Variants in FGF13 observed in about 807,000 individuals in gnomAD.
FGF13 encodes the protein fibroblast growth factor homologous factor 2.
A neutral mutation model predicts 19.5 loss-of-function variants in FGF13; 2 were observed. The observed-to-expected ratio is 0.10, with a 90% CI of 0.04 to 0.32. The LOEUF (loss-of-function observed/expected upper bound fraction) is 0.32. Among genes scored for constraint, FGF13 ranks in the 10% least tolerant of loss-of-function variants. FGF13 has a pLI of 1.00. For missense variants in FGF13, 113 were observed against 192.7 expected, an observed-to-expected ratio of 0.59 and a Z score of 2.45; for synonymous variants, 72 against 76.9, an observed-to-expected ratio of 0.94 and a Z score of 0.33.
intron 1 of FGF13, among the ~76,000 whole-genome samples, chrX:138,939,799 T>C (rs2124271319): frequency 8.9e-6 from 1 of 112,478 alleles, no homozygotes; most frequent in African/African-American, 3.2e-5. Context: ...TCTACCACAT[T>C]TTCTTTATCC....
rs115265597 is a variant in FGF13, at chrX:138,893,735, G to T, written c.-112-29085C>A. On this transcript the variant is annotated intron_variant, in intron 1 of 2. Transcript: ENST00000421460. ...CGTGAAATAAGTCTGAATTACTTGTGCAACCTGTAAGGTGAGCCACCTTGT... is the reference window on the plus strand; with the variant it reads ...CGTGAAATAAGTCTGAATTACTTGTTCAACCTGTAAGGTGAGCCACCTTGT... 2.1e-3 allele frequency among the ~76,000 whole-genome samples: 233 copies of T among 111,789 alleles called. 1 individual carries two copies. The highest frequency in any genetic ancestry group is 7.1e-3 in the African/African-American group (220 of 30,806).
At chrX:139,065,651 C>T (rs984153823) in intron 1 of FGF13, among the ~76,000 whole-genome samples, 3 of 110,613 alleles carry the variant, frequency 2.7e-5, no homozygotes, top group Admixed American at 9.7e-5. Flanking sequence ...GCACCCAAAA[C>T]GGGAGTACCC....
intron 3 of FGF13, among the ~76,000 whole-genome samples, chrX:138,812,418 G>T (rs2090932994): frequency 9.0e-6 from 1 of 111,198 alleles, no homozygotes; most frequent in African/African-American, 3.3e-5. Context: ...TGAGGCACTT[G>T]TTTTGAATAG....
chrX:138,684,215 T>C (rs2089757307), intron 3 of FGF13, among the ~76,000 whole-genome samples: 1 of 111,906 alleles, frequency 8.9e-6, no homozygotes, highest in Non-Finnish European at 1.9e-5. Context: ...TATCATTTGA[T>C]ATTTAAGGTA....
At chrX:139,161,830 G>A (rs7886318) in intron 1 of FGF13, among the ~76,000 whole-genome samples, 12,611 of 110,940 alleles carry the variant, frequency 0.11, 1,174 homozygotes, top group African/African-American at 0.32. Flanking sequence ...AAATAGCTAG[G>A]AATACAACTT....
intron 1 of FGF13, among the ~76,000 whole-genome samples, chrX:139,033,027 C>CAAAAAAAAAAAAAA (rs758766077): frequency 7.3e-5 from 2 of 27,271 alleles, no homozygotes; most frequent in African/African-American, 1.3e-4. Context: ...TCTGATTATC[C>CAAAAAAAAAAAAAA]AAAAAAAAAA....
chrX:138,869,834 C>T (rs970356658), intron 1 of FGF13, among the ~76,000 whole-genome samples: 2 of 111,958 alleles, frequency 1.8e-5, no homozygotes, highest in Non-Finnish European at 3.8e-5. Flanking sequence ...TTCTAATTCC[C>T]CATTCAGTAA....
intron 1 of FGF13, among the ~76,000 whole-genome samples, chrX:138,719,619 A>T (rs1445331932): frequency 8.9e-6 from 1 of 112,072 alleles, no homozygotes; most frequent in African/African-American, 3.2e-5. Context: ...CCACACTGTA[A>T]GCTTTTTTGT....
At chrX:139,026,226 T>C (rs2092200225) in intron 1 of FGF13, among the ~76,000 whole-genome samples, 2 of 111,562 alleles carry the variant, frequency 1.8e-5, no homozygotes, top group African/African-American at 6.5e-5. Flanking sequence ...TCACATTATG[T>C]GATACAATTT....
At chrX:138,899,270 G>A (rs941651090) in intron 1 of FGF13, among the ~76,000 whole-genome samples, 166 of 111,339 alleles carry the variant, frequency 1.5e-3, no homozygotes, top group African/African-American at 5.0e-3. Flanking sequence ...TGATATGCAT[G>A]AGTAGGAGAA....
At chrX:138,905,166 G>C (rs765926550) in intron 1 of FGF13, among the ~76,000 whole-genome samples, 1 of 111,296 alleles carries the variant, frequency 9.0e-6, no homozygotes, top group South Asian at 3.8e-4. Context: ...ACCTTACTGA[G>C]CACAGAACCC....
chrX:138,638,868 T>C (rs1272430969), intron 3 of FGF13, among the ~76,000 whole-genome samples: 1 of 111,594 alleles, frequency 9.0e-6, no homozygotes, highest in African/African-American at 3.3e-5. Flanking sequence ...TCTTGGCAAT[T>C]GTTACAACTA....
At chrX:138,934,530 A>G (rs985049731) in intron 1 of FGF13, among the ~76,000 whole-genome samples, 1 of 112,778 alleles carries the variant, frequency 8.9e-6, no homozygotes, top group African/African-American at 3.2e-5. Context: ...ATGTCAGAAT[A>G]TCTTGATGGG....
chrX:139,096,969 A>T (rs1198622448), intron 1 of FGF13, among the ~76,000 whole-genome samples: 1 of 111,887 alleles, frequency 8.9e-6, no homozygotes. Flanking sequence ...ATATTTCCCA[A>T]CTCATTTTAT....
intron 3 of FGF13, among the ~76,000 whole-genome samples, chrX:138,836,055 G>A (rs1344706931): frequency 4.5e-5 from 5 of 111,023 alleles, no homozygotes; most frequent in Non-Finnish European, 9.4e-5. Flanking sequence ...GAGGTCTGCT[G>A]TTAGTCTGAT....
At chrX:138,988,027 G>T (rs2092000674) in intron 1 of FGF13, among the ~76,000 whole-genome samples, 1 of 111,659 alleles carries the variant, frequency 9.0e-6, no homozygotes, top group Non-Finnish European at 1.9e-5. Context: ...TGCTCTCTCT[G>T]GTTTTCACCT....
chrX:139,034,759 G>A (rs951183109), intron 1 of FGF13, among the ~76,000 whole-genome samples: 1 of 111,644 alleles, frequency 9.0e-6, no homozygotes, highest in Non-Finnish European at 1.9e-5. Flanking sequence ...AAGGATAGAT[G>A]AATGCTCTGA....
intron 1 of FGF13, among the ~76,000 whole-genome samples, chrX:139,090,941 CAAAAAAAAAAAAA>C (rs1181771963): frequency 3.1e-5 from 1 of 32,760 alleles, no homozygotes; most frequent in South Asian, 2.2e-3. Context: ...GACCCTGTCT[CAAAAAAAAAAAAA>C]AAAAAAAAAA....
chrX:139,179,295 TA>T (rs1318384055), intron 1 of FGF13, among the ~76,000 whole-genome samples: 1 of 112,012 alleles, frequency 8.9e-6, no homozygotes, highest in Non-Finnish European at 1.9e-5. Context: ...AAACTTTTCA[TA>T]ACTTCCCCTG....
Sources: gnomAD v4.1 joint callset for allele counts (sites outside exome capture counted in the v4.1 genomes callset) on GRCh38, gnomAD v4.1.1 for gene constraint, MANE v1.5 for transcripts, NCBI Gene and HGNC (gene_info 2026-07-23, HGNC 2026-07-21) for gene names.